Variants in EPHA6 observed in about 807,000 individuals in gnomAD.
EPHA6 encodes the protein EPH receptor A6.
In EPHA6, 50 loss-of-function variants were observed where a neutral mutation model predicts 112.0. That is an observed-to-expected ratio of 0.45 (90% CI 0.36 to 0.56). The LOEUF (loss-of-function observed/expected upper bound fraction) is 0.56. EPHA6 is among the 20% of genes least tolerant of loss of function. EPHA6 has a pLI of 0.00. For missense variants in EPHA6, 1,280 were observed against 1,417.4 expected, an observed-to-expected ratio of 0.90 and a Z score of 1.56; for synonymous variants, 529 against 490.7, an observed-to-expected ratio of 1.08 and a Z score of -1.03.
At chr3:97,505,219 T>C (rs2092217346) in intron 10 of EPHA6, among the ~76,000 whole-genome samples, 2 of 152,202 alleles carry the variant, frequency 1.3e-5, no homozygotes, top group African/African-American at 4.8e-5. Flanking sequence ...CTTTAAGTTC[T>C]GGGATACATG....
chr3:96,893,723 C>G (rs938042663), intron 2 of EPHA6, among the ~76,000 whole-genome samples: 2 of 152,182 alleles, frequency 1.3e-5, no homozygotes, highest in African/African-American at 4.8e-5. Flanking sequence ...GAAGACCAGA[C>G]ACAGAAGTCT....
At position 97,233,556 on chromosome 3, in the gene EPHA6, A is replaced by C. The variant is rs59348691; in HGVS notation, c.1270+7137A>C. ...AGTAGCAATATTTTAATAGATATGCATTCTCTCCATGCTAGATATTGTATT... is the reference window on the plus strand; with the variant it reads ...AGTAGCAATATTTTAATAGATATGCCTTCTCTCCATGCTAGATATTGTATT... On this transcript the variant is annotated intron_variant, in intron 4 of 17. Coordinates refer to ENST00000389672, the MANE Select transcript of EPHA6 (RefSeq NM_001080448.3). 3.3e-3 allele frequency among the ~76,000 whole-genome samples: 504 copies of C among 152,246 alleles called. 1 individual carries two copies. Among genetic ancestry groups the C allele is most frequent in the African/African-American group, 0.011 (466 of 41,550 alleles).
intron 3 of EPHA6, among the ~76,000 whole-genome samples, chr3:97,099,261 A>G (rs2047334860): frequency 7.1e-6 from 1 of 141,702 alleles, no homozygotes; most frequent in Admixed American, 7.4e-5. Context: ...GCCAACCATA[A>G]AATCTAAATA....
At chr3:97,492,974 CTTTTTT>C (rs373733285) in intron 10 of EPHA6, among the ~76,000 whole-genome samples, 2 of 130,918 alleles carry the variant, frequency 1.5e-5, no homozygotes, top group Admixed American at 1.5e-4. Context: ...TAAGCTTTTC[CTTTTTT>C]TTTTTTTTTT....
chr3:97,690,669 T>C (rs1459626184), intron 14 of EPHA6, among the ~76,000 whole-genome samples: 1 of 152,152 alleles, frequency 6.6e-6, no homozygotes, highest in Non-Finnish European at 1.5e-5. Context: ...GGTTTCGCCA[T>C]GTTGACCAGG....
At chr3:97,555,469 G>A (rs2093092840) in intron 11 of EPHA6, among the ~76,000 whole-genome samples, 1 of 152,060 alleles carries the variant, frequency 6.6e-6, no homozygotes, top group Non-Finnish European at 1.5e-5. Flanking sequence ...TGGGTCAAAT[G>A]GTATTTCTAG....
chr3:96,946,713 G>T (rs1029486129), intron 2 of EPHA6, among the ~76,000 whole-genome samples: 1 of 152,110 alleles, frequency 6.6e-6, no homozygotes, highest in Admixed American at 6.5e-5. Flanking sequence ...CTGGGTCAAA[G>T]GGTATTTCTA....
chr3:97,632,195 T>C (rs2093909509), intron 13 of EPHA6, among the ~76,000 whole-genome samples: 1 of 151,890 alleles, frequency 6.6e-6, no homozygotes, highest in African/African-American at 2.4e-5. Flanking sequence ...CAAGAGAATA[T>C]CTTACCGCAT....
intron 11 of EPHA6, among the ~76,000 whole-genome samples, chr3:97,540,808 T>C (rs1040037807): frequency 2.0e-4 from 31 of 152,356 alleles, no homozygotes; most frequent in African/African-American, 7.0e-4. Context: ...TAAAGCCATC[T>C]AAAGGATGAA....
chr3:97,471,963 T>C (rs926849251), intron 7 of EPHA6, among the ~76,000 whole-genome samples: 1 of 151,810 alleles, frequency 6.6e-6, no homozygotes, highest in Non-Finnish European at 1.5e-5. Flanking sequence ...TCTGGTGTCT[T>C]ATTCTTTGGC....
At chr3:97,308,814 C>G (rs1484720531) in intron 5 of EPHA6, among the ~76,000 whole-genome samples, 1 of 151,720 alleles carries the variant, frequency 6.6e-6, no homozygotes, top group Non-Finnish European at 1.5e-5. Context: ...CCGAGTATGG[C>G]ACATCATGTG....
chr3:97,231,668 G>A (rs1265402653), intron 4 of EPHA6, among the ~76,000 whole-genome samples: 1 of 152,146 alleles, frequency 6.6e-6, no homozygotes, highest in East Asian at 1.9e-4. Context: ...AATGGCCTGG[G>A]AGAAAGTTCC....
At chr3:97,246,799 A>AC (rs1323178230) in intron 5 of EPHA6, among the ~76,000 whole-genome samples, 5 of 151,706 alleles carry the variant, frequency 3.3e-5, no homozygotes, top group Admixed American at 2.0e-4. Context: ...TACCAAGAAG[A>AC]CCCCCTCTTC....
intron 9 of EPHA6, chr3:97,481,405 T>G: frequency 6.8e-7 from 1 of 1,462,064 alleles, no homozygotes; most frequent in Admixed American, 1.7e-5. Flanking sequence ...TGCTGTGGGT[T>G]TTATCTGTTC....
chr3:96,886,870 TA>T (rs2037656014), intron 2 of EPHA6, among the ~76,000 whole-genome samples: 1 of 152,194 alleles, frequency 6.6e-6, no homozygotes, highest in East Asian at 1.9e-4. Context: ...CAGTTCTTGG[TA>T]AAAGAGCTGA....
chr3:96,871,214 T>C (rs1211599764), intron 2 of EPHA6, among the ~76,000 whole-genome samples: 3 of 152,044 alleles, frequency 2.0e-5, no homozygotes, highest in Admixed American at 6.6e-5. Flanking sequence ...TGTACATTTC[T>C]TTAATATCCA....
chr3:97,500,536 A>G (rs2092092713), intron 10 of EPHA6, among the ~76,000 whole-genome samples: 1 of 152,080 alleles, frequency 6.6e-6, no homozygotes, highest in South Asian at 2.1e-4. Context: ...GTGCTAAACC[A>G]TTCATGAGAA....
At chr3:97,483,526 G>A (rs558295464) in intron 9 of EPHA6, among the ~76,000 whole-genome samples, 26 of 152,190 alleles carry the variant, frequency 1.7e-4, no homozygotes, top group Non-Finnish European at 2.8e-4. Flanking sequence ...ACCTAGTGCC[G>A]TAGAGTACAA....
chr3:96,947,888 G>GA (rs1176040386), intron 2 of EPHA6, among the ~76,000 whole-genome samples: 2 of 152,030 alleles, frequency 1.3e-5, no homozygotes, highest in Non-Finnish European at 2.9e-5. Context: ...CACAGAATTG[G>GA]AAAAAACTAC....
Sources: allele counts gnomAD v4.1 joint callset (sites outside exome capture counted in the v4.1 genomes callset), GRCh38; gene constraint gnomAD v4.1.1; transcripts MANE v1.5; gene names NCBI Gene and HGNC (gene_info 2026-07-23, HGNC 2026-07-21).